The following KIAA1217 variants were observed in gnomAD, a reference collection of about 807,000 sequenced individuals.
The protein encoded by KIAA1217 is KIAA1217.
In KIAA1217, 88 loss-of-function variants were observed where a neutral mutation model predicts 163.9. The observed-to-expected ratio is 0.54, with a 90% confidence interval of 0.45 to 0.64. KIAA1217 has a LOEUF of 0.64. KIAA1217 is among the 30% of genes least tolerant of loss of function. The pLI is 0.00. For synonymous variants in KIAA1217, 903 were observed against 923.1 expected (o/e 0.98, Z 0.39); for missense variants, 2,372 against 2,475.0 (o/e 0.96, Z 0.88).
chr10:23,813,459 T>G (rs1438897856), intron 1 of KIAA1217, among the ~76,000 whole-genome samples: 1 of 152,112 alleles, frequency 6.6e-6, no homozygotes, highest in African/African-American at 2.4e-5. Context: ...ATTATCTATC[T>G]TTAAATAAGA....
chr10:24,475,408 G>A (rs2063904113), intron 6 of KIAA1217, among the ~76,000 whole-genome samples: 1 of 152,132 alleles, frequency 6.6e-6, no homozygotes, highest in Non-Finnish European at 1.5e-5. Context: ...AAGCCCTGAA[G>A]TCCTCTTTAG....
At chr10:23,784,495 G>GT (rs762108741) in intron 1 of KIAA1217, among the ~76,000 whole-genome samples, 51 of 151,522 alleles carry the variant, frequency 3.4e-4, no homozygotes, top group Middle Eastern at 3.4e-3. Flanking sequence ...TTTCTGTGGG[G>GT]TTTTTTTTGT....
chr10:23,734,854 A>T (rs906611265), intron 1 of KIAA1217, among the ~76,000 whole-genome samples: 1 of 151,954 alleles, frequency 6.6e-6, no homozygotes, highest in African/African-American at 2.4e-5. Context: ...GGCTCGTTAT[A>T]TAGGTGAACT....
At chr10:24,074,480 T>C (rs2061300372) in intron 2 of KIAA1217, among the ~76,000 whole-genome samples, 1 of 152,218 alleles carries the variant, frequency 6.6e-6, no homozygotes. Flanking sequence ...CTCTGATTCT[T>C]TCCCTTCTCT....
At chr10:23,961,470 A>G (rs1844818128) in intron 1 of KIAA1217, among the ~76,000 whole-genome samples, 1 of 152,202 alleles carries the variant, frequency 6.6e-6, no homozygotes, top group African/African-American at 2.4e-5. Flanking sequence ...CTATAACTGT[A>G]GAAAAATTAT....
At chr10:24,118,164 A>AG (rs1156623152) in intron 2 of KIAA1217, among the ~76,000 whole-genome samples, 3 of 152,000 alleles carry the variant, frequency 2.0e-5, no homozygotes, top group African/African-American at 7.3e-5. Context: ...AAAAAAAAAA[A>AG]AAAAGAAACG....
At chr10:24,137,314 A>G (rs2063871114) in intron 2 of KIAA1217, among the ~76,000 whole-genome samples, 1 of 152,196 alleles carries the variant, frequency 6.6e-6, no homozygotes, top group African/African-American at 2.4e-5. Context: ...GCAGAGACCC[A>G]ATGACTGCAA....
chr10:23,969,685 T>C (rs1845222500), intron 1 of KIAA1217, among the ~76,000 whole-genome samples: 1 of 152,222 alleles, frequency 6.6e-6, no homozygotes, highest in Non-Finnish European at 1.5e-5. Flanking sequence ...TAAAAGTCCC[T>C]TTATCAAATA....
chr10:23,834,792 G>T (rs1226362909), intron 1 of KIAA1217, among the ~76,000 whole-genome samples: 1 of 152,156 alleles, frequency 6.6e-6, no homozygotes, highest in Admixed American at 6.6e-5. Context: ...CTGCAGGATT[G>T]GTTGCCATTT....
At chr10:24,158,880 G>C (rs1467348578) in intron 2 of KIAA1217, 1 of 233,924 alleles carries the variant, frequency 4.3e-6, no homozygotes, top group Non-Finnish European at 8.9e-6. Flanking sequence ...TGTTCCTGCA[G>C]TATTGGACAG....
At chr10:24,408,748 C>A (rs1229244428) in intron 3 of KIAA1217, among the ~76,000 whole-genome samples, 1 of 152,058 alleles carries the variant, frequency 6.6e-6, no homozygotes, top group Admixed American at 6.6e-5. Context: ...TATTCAAACA[C>A]CATCTTATCT....
At chr10:24,063,847 A>G (rs1411687434) in intron 2 of KIAA1217, among the ~76,000 whole-genome samples, 3 of 152,090 alleles carry the variant, frequency 2.0e-5, no homozygotes, top group East Asian at 1.9e-4. Context: ...TCCTTGAAGA[A>G]GTCCTTCACA....
chr10:24,038,613 A>C (rs1589269679), intron 2 of KIAA1217, among the ~76,000 whole-genome samples: 1 of 152,284 alleles, frequency 6.6e-6, no homozygotes, highest in South Asian at 2.1e-4. Context: ...GTGCAGTAGC[A>C]CCTGGGAGGG....
rs528816666 is a variant in KIAA1217 at position 24,112,827 on chromosome 10, C to A, written c.-171+105453C>A. Reference sequence around the variant, plus strand: ...GGTCTCGATCTCCTGACCTCATGATCCTCCCGCCTCAGCCTCCCACAGTGC... The same window carrying A: ...GGTCTCGATCTCCTGACCTCATGATACTCCCGCCTCAGCCTCCCACAGTGC... On this transcript the variant is annotated intron_variant, in intron 2 of 18. Coordinates refer to the KIAA1217 transcript ENST00000376462. 2.0e-4 allele frequency among the ~76,000 whole-genome samples: 31 copies of A among 152,026 alleles called. No individual in the cohort carries two copies. The South Asian group carries it at 6.2e-3, about 31-fold the overall frequency.
intron 2 of KIAA1217, chr10:24,158,013 T>C: frequency 2.6e-6 from 2 of 768,102 alleles, no homozygotes; most frequent in South Asian, 2.9e-5. Flanking sequence ...GTAGGAGTAG[T>C]GGAAATGAGA....
chr10:23,741,877 T>G (rs978656580), intron 1 of KIAA1217, among the ~76,000 whole-genome samples: 1 of 152,146 alleles, frequency 6.6e-6, no homozygotes, highest in African/African-American at 2.4e-5. Flanking sequence ...GGTGTAAGAA[T>G]GAAACAAGTG....
rs758398381 is a variant in KIAA1217 at position 24,524,397 on chromosome 10, C to T, written c.2531C>T (p.Thr844Ile). 6 of 1,614,092 alleles carry T rather than the reference C, an allele frequency of 3.7e-6. No homozygotes were observed. Among genetic ancestry groups the T allele is most frequent in the South Asian group, 3.3e-5 (3 of 91,092 alleles). ...CAGTACATGGCTATGGAAAAGGCCA[C>T]AGCCGCAGAAGTCCTGAAGAGTCAG... is the stretch of plus-strand genomic sequence containing the variant. ...AAQYMAMEKATAAEVLKSQEE... is the reference protein window; with the variant it reads ...AAQYMAMEKAIAAEVLKSQEE... The change falls in exon 13 of 21, where the codon ACA becomes ATA. Residue 844 changes from threonine (T) to isoleucine (I), a missense_variant. By Grantham distance (89) the Thr-to-Ile change is moderately conservative (BLOSUM62 -1). Transcript: ENST00000376454.
chr10:24,152,987 A>G (rs2064692455), intron 2 of KIAA1217, among the ~76,000 whole-genome samples: 1 of 152,224 alleles, frequency 6.6e-6, no homozygotes, highest in Admixed American at 6.5e-5. Context: ...AAAATCCTAG[A>G]AAGTCTACAA....
intron 10 of KIAA1217, among the ~76,000 whole-genome samples, chr10:24,514,059 T>C (rs1371557256): frequency 1.3e-5 from 2 of 152,206 alleles, no homozygotes; most frequent in African/African-American, 2.4e-5. Context: ...ATGAATGTTA[T>C]TTAAGGTTCT....
Sources: allele counts gnomAD v4.1 joint callset (sites outside exome capture counted in the v4.1 genomes callset), GRCh38; gene constraint gnomAD v4.1.1; transcripts MANE v1.5; gene names NCBI Gene and HGNC (gene_info 2026-07-23, HGNC 2026-07-21).